The following MYCBP2 variants were observed in gnomAD, a reference collection of about 807,000 sequenced individuals.
The protein encoded by MYCBP2 is MYC binding protein 2.
In MYCBP2, 120 loss-of-function variants were observed where a neutral mutation model predicts 525.3. The ratio of observed to expected loss-of-function variants is 0.23; its 90% confidence interval spans 0.20 to 0.27. The LOEUF is 0.27. Among genes scored for constraint, MYCBP2 ranks in the 10% least tolerant of loss-of-function variants. The pLI is 1.00. For synonymous variants in MYCBP2, 1,894 were observed against 1,955.8 expected (o/e 0.97, Z 0.83); for missense variants, 4,149 against 5,657.1 (o/e 0.73, Z 8.55).
intron 20 of MYCBP2, among the ~76,000 whole-genome samples, chr13:77,219,286 C>T (rs146115956): frequency 4.0e-4 from 61 of 152,146 alleles, no homozygotes; most frequent in Middle Eastern, 3.4e-3. Flanking sequence ...TCTAAGGAGA[C>T]ATACACCTAA....
chr13:77,213,223 C>T (rs2064285897), intron 21 of MYCBP2, among the ~76,000 whole-genome samples: 1 of 152,140 alleles, frequency 6.6e-6, no homozygotes, highest in African/African-American at 2.4e-5. Context: ...GCCTGTAATC[C>T]CAGCACTTTG....
intron 55 of MYCBP2, among the ~76,000 whole-genome samples, chr13:77,100,742 C>A (rs573584489): frequency 9.7e-4 from 148 of 151,990 alleles, no homozygotes; most frequent in African/African-American, 3.4e-3. Flanking sequence ...TAGTTTCTTG[C>A]AAAGCTTCAT....
chr13:77,137,099 C>G (rs1470693823), intron 52 of MYCBP2, among the ~76,000 whole-genome samples: 1 of 152,208 alleles, frequency 6.6e-6, no homozygotes, highest in Non-Finnish European at 1.5e-5. Context: ...CCACAAGTAT[C>G]TGTATGCCTC....
intron 32 of MYCBP2, among the ~76,000 whole-genome samples, chr13:77,183,541 C>CTT (rs60927409): frequency 0.5 from 32,981 of 65,628 alleles, 13,233 homozygotes; most frequent in Non-Finnish European, 0.59. Flanking sequence ...GTCCCTATTT[C>CTT]TTTTTTTTTT....
chr13:77,198,431 T>A lies in MYCBP2; in HGVS notation c.3844-4187A>T, dbSNP rs529808832. Among the ~76,000 whole-genome samples the A allele has an allele frequency of 4.6e-5, 7 of 152,332 alleles. No individual in the cohort carries two copies. In the South Asian group the frequency reaches 1.5e-3, roughly 32 times the overall value. On this transcript the variant is annotated intron_variant, in intron 26 of 82. Transcript: ENST00000544440. ...CATTATGAAGAAGAGTGTTAACATATTGATATCATTTTTAGATATTATTGA... is the reference window on the plus strand; with the variant it reads ...CATTATGAAGAAGAGTGTTAACATAATGATATCATTTTTAGATATTATTGA...
intron 47 of MYCBP2, among the ~76,000 whole-genome samples, chr13:77,148,274 G>T (rs1431361752): frequency 1.3e-5 from 2 of 151,952 alleles, no homozygotes; most frequent in African/African-American, 4.8e-5. Flanking sequence ...TGAGAGAAGA[G>T]AATTCTTTAA....
chr13:77,193,049 A>C (rs2061433516), intron 27 of MYCBP2, among the ~76,000 whole-genome samples: 1 of 152,102 alleles, frequency 6.6e-6, no homozygotes, highest in Non-Finnish European at 1.5e-5. Context: ...GAATCGCTTA[A>C]ATCCGGGAGG....
intron 32 of MYCBP2, among the ~76,000 whole-genome samples, chr13:77,183,541 C>CTTTTTTTTT (rs60927409): frequency 0.016 from 1,084 of 66,076 alleles, 171 homozygotes; most frequent in Non-Finnish European, 0.02. Context: ...GTCCCTATTT[C>CTTTTTTTTT]TTTTTTTTTT....
At chr13:77,064,769 C>A in intron 72 of MYCBP2, 35 bp from the exon 73 acceptor site, 1 of 1,580,084 alleles carries the variant, frequency 6.3e-7, no homozygotes, top group South Asian at 1.2e-5. Context: ...AATAAGTGAC[C>A]AGAAATGTAT....
chr13:77,149,218 C>T (rs1455708262), intron 47 of MYCBP2, among the ~76,000 whole-genome samples: 2 of 152,082 alleles, frequency 1.3e-5, no homozygotes, highest in African/African-American at 4.8e-5. Flanking sequence ...AGTATTCTTA[C>T]CAATGTGAAT....
intron 49 of MYCBP2, among the ~76,000 whole-genome samples, chr13:77,143,097 AAAAGT>A (rs1341551268): frequency 1.3e-5 from 2 of 152,246 alleles, no homozygotes; most frequent in African/African-American, 4.8e-5. Context: ...CAGACAGTTT[AAAAGT>A]AAAGAAAAGA....
At chr13:77,220,881 A>C (rs1449128953) in intron 20 of MYCBP2, among the ~76,000 whole-genome samples, 2 of 152,192 alleles carry the variant, frequency 1.3e-5, no homozygotes, top group African/African-American at 4.8e-5. Context: ...TATAGGTATG[A>C]CTACTGCATT....
chr13:77,104,083 A>T (rs952908508), intron 55 of MYCBP2, among the ~76,000 whole-genome samples: 1 of 152,102 alleles, frequency 6.6e-6, no homozygotes, highest in Non-Finnish European at 1.5e-5. Flanking sequence ...GCTAAAAAAC[A>T]TCTCTATCTG....
chr13:77,167,047 T>A (rs868164485), intron 40 of MYCBP2, among the ~76,000 whole-genome samples: 8 of 151,008 alleles, frequency 5.3e-5, no homozygotes, highest in African/African-American at 1.9e-4. Context: ...AATTTAATGA[T>A]TTTCTAATTC....
chr13:77,149,551 T>C (rs955437779), intron 47 of MYCBP2, among the ~76,000 whole-genome samples: 2 of 152,326 alleles, frequency 1.3e-5, no homozygotes, highest in African/African-American at 4.8e-5. Flanking sequence ...TAAGTGCTAA[T>C]GATTCCTGAA....
chr13:77,208,741 CAG>C (rs1445838723), intron 23 of MYCBP2, among the ~76,000 whole-genome samples: 2 of 152,036 alleles, frequency 1.3e-5, no homozygotes, highest in South Asian at 2.1e-4. Flanking sequence ...GGAAAAGAAA[CAG>C]ATACAGAGTA....
chr13:77,222,628 C>T (rs116301370), intron 20 of MYCBP2, among the ~76,000 whole-genome samples: 1,647 of 152,182 alleles, frequency 0.011, 5 homozygotes, highest in African/African-American at 0.015. Context: ...TATCAAGGAC[C>T]ACTCCCCACC....
chr13:77,095,273 G>A, intron 58 of MYCBP2, 85 bp downstream of exon 58: 3 of 1,503,282 alleles, frequency 2.0e-6, no homozygotes, highest in Admixed American at 1.8e-5. Context: ...TAAAGTGTAG[G>A]TCAAATACCG....
At chr13:77,162,748 A>C (rs9318465) in intron 43 of MYCBP2, among the ~76,000 whole-genome samples, 10,640 of 151,870 alleles carry the variant, frequency 0.07, 576 homozygotes, top group African/African-American at 0.15. Flanking sequence ...CCTCCACCTC[A>C]TGGGTTTAAG....
Sources: allele counts gnomAD v4.1 joint callset (sites outside exome capture counted in the v4.1 genomes callset), GRCh38; gene constraint gnomAD v4.1.1; transcripts MANE v1.5; gene names NCBI Gene and HGNC (gene_info 2026-07-23, HGNC 2026-07-21).